The following AGBL4 variants were observed in gnomAD, a reference collection of about 807,000 sequenced individuals.
AGBL4 encodes AGBL carboxypeptidase 4.
A neutral mutation model predicts 66.4 loss-of-function variants in AGBL4; 58 were observed. The ratio of observed to expected loss-of-function variants is 0.87; its 90% CI spans 0.71 to 1.09. AGBL4 has a LOEUF of 1.09. AGBL4 is among the 50% of genes least tolerant of loss of function. The pLI, the probability that AGBL4 is intolerant of heterozygous loss-of-function variation, is 0.00. For missense variants in AGBL4, 579 were observed against 631.0 expected (o/e 0.92, Z 0.88); for synonymous variants, 234 against 222.9 (o/e 1.05, Z -0.44).
intron 6 of AGBL4, among the ~76,000 whole-genome samples, chr1:48,709,443 A>C (rs1646929229): frequency 6.6e-6 from 1 of 151,722 alleles, no homozygotes; most frequent in African/African-American, 2.4e-5. Context: ...ACATACACTA[A>C]TCTAAATAGT....
chr1:49,910,660 A>C (rs1393593122), intron 1 of AGBL4, among the ~76,000 whole-genome samples: 3 of 151,836 alleles, frequency 2.0e-5, no homozygotes, highest in Non-Finnish European at 4.4e-5. Flanking sequence ...TGAAGAATAA[A>C]AAAAAAAAGA....
At chr1:48,873,581 C>T (rs1442742231) in intron 5 of AGBL4, among the ~76,000 whole-genome samples, 1 of 152,072 alleles carries the variant, frequency 6.6e-6, no homozygotes, top group Admixed American at 6.6e-5. Flanking sequence ...CAGGGACTAG[C>T]CTAGCACCTG....
intron 4 of AGBL4, among the ~76,000 whole-genome samples, chr1:49,240,374 C>T (rs924276075): frequency 7.2e-5 from 11 of 152,054 alleles, no homozygotes; most frequent in Non-Finnish European, 1.6e-4. Flanking sequence ...ATCCACATGA[C>T]CTGGCTTGAA....
chr1:49,637,984 T>C (rs1000833878), intron 3 of AGBL4, among the ~76,000 whole-genome samples: 3 of 152,074 alleles, frequency 2.0e-5, no homozygotes, highest in African/African-American at 7.2e-5. Context: ...AGTAAAACAA[T>C]AGGATGAAAT....
intron 2 of AGBL4, among the ~76,000 whole-genome samples, chr1:49,715,931 G>T (rs1648093409): frequency 6.6e-6 from 1 of 152,048 alleles, no homozygotes; most frequent in East Asian, 1.9e-4. Flanking sequence ...AGTTGATTTT[G>T]CTGTGCAGAA....
chr1:48,671,719 A>G (rs1009200527), intron 6 of AGBL4, among the ~76,000 whole-genome samples: 7 of 152,362 alleles, frequency 4.6e-5, no homozygotes, highest in Middle Eastern at 3.4e-3. Flanking sequence ...CAGATGCAGA[A>G]AGTGAGGTCA....
At position 49,662,250 on chromosome 1, in the gene AGBL4, A is replaced by AAT. The variant is rs1192634897; in HGVS notation, c.282+35061_282+35062dup. ...ACACATACATACATTATATATGTGTAATATATATACATATATAAACTTACC... is the reference window on the plus strand; with the variant it reads ...ACACATACATACATTATATATGTGTAATATATATATACATATATAAACTTACC... On this transcript the variant is annotated intron_variant, in intron 3 of 13. Coordinates refer to ENST00000371839, the MANE Select transcript of AGBL4 (RefSeq NM_032785.4). Among the ~76,000 whole-genome samples, 20 of 151,184 alleles carry AAT rather than the reference A, an allele frequency of 1.3e-4. No individual in the cohort carries two copies. In the Admixed American group the frequency reaches 1.3e-3, roughly 10 times the overall value.
intron 9 of AGBL4, among the ~76,000 whole-genome samples, chr1:48,631,910 T>G (rs1158574543): frequency 1.3e-5 from 2 of 152,210 alleles, no homozygotes; most frequent in East Asian, 1.9e-4. Flanking sequence ...AGTCATACTT[T>G]GTGCTTTTGT....
intron 3 of AGBL4, among the ~76,000 whole-genome samples, chr1:49,510,797 C>T (rs1649160218): frequency 6.6e-6 from 1 of 151,014 alleles, no homozygotes; most frequent in South Asian, 2.1e-4. Context: ...CAGCTTTCTA[C>T]ATATGGCTAG....
rs183544870 is a variant in AGBL4 at position 49,018,317 on chromosome 1, C to T, written c.594+27267G>A. Among the ~76,000 whole-genome samples the T allele has an allele frequency of 2.9e-3, 442 of 152,136 alleles. 2 individuals carry two copies. Among genetic ancestry groups the T allele is most frequent in the African/African-American group, 0.01 (419 of 41,512 alleles). On this transcript the variant is annotated intron_variant, in intron 5 of 13. Transcript: ENST00000371839. ...TCCTTACATACCAGTGGAGGTGAGC[C>T]CCAAACCCTTACATACCAATGGAGT...
intron 1 of AGBL4, among the ~76,000 whole-genome samples, chr1:49,940,908 T>TA (rs1238292381): frequency 1.3e-5 from 2 of 151,724 alleles, no homozygotes; most frequent in African/African-American, 4.8e-5. Flanking sequence ...TTTGAGAAAA[T>TA]AAAATTATTA....
At chr1:49,342,178 CCT>C in intron 3 of AGBL4, among the ~76,000 whole-genome samples, 1 of 152,252 alleles carries the variant, frequency 6.6e-6, no homozygotes, top group South Asian at 2.1e-4. Flanking sequence ...GATGCCTCAG[CCT>C]CTCTCTGTGC....
intron 6 of AGBL4, among the ~76,000 whole-genome samples, chr1:48,682,774 C>T (rs572916633): frequency 6.6e-6 from 1 of 152,174 alleles, no homozygotes; most frequent in Non-Finnish European, 1.5e-5. Context: ...AATCTCCCTT[C>T]CCTGTTTAAT....
intron 4 of AGBL4, among the ~76,000 whole-genome samples, chr1:49,179,216 AGTAAGGAG>A (rs1646884470): frequency 1.3e-5 from 2 of 152,206 alleles, no homozygotes; most frequent in Non-Finnish European, 2.9e-5. Flanking sequence ...GCAAGTAACC[AGTAAGGAG>A]GCTATTGCAG....
At chr1:49,724,995 A>G (rs1378659798) in intron 2 of AGBL4, among the ~76,000 whole-genome samples, 1 of 151,992 alleles carries the variant, frequency 6.6e-6, no homozygotes, top group African/African-American at 2.4e-5. Flanking sequence ...AAATGAGGAA[A>G]GGAGAAAAAA....
In AGBL4 at chr1:48,736,115, G is replaced by A; in HGVS notation, c.635-72874C>T. ...TGGGTTATCCGCTTGGTGTCCCCGG[G>A]CTCAGCCCAGGGTCTGGCATGCAGA... On this transcript the variant is annotated intron_variant, in intron 6 of 13. Transcript: ENST00000371839. This position sits in a 1 kb window ranked among gnomAD's most constrained non-coding sequence, Gnocchi z 4.0. 6 of 1,113,554 alleles carry A rather than the reference G, an allele frequency of 5.4e-6. No individual in the cohort carries two copies. Among genetic ancestry groups the A allele is most frequent in the East Asian group, 2.4e-5 (1 of 42,248 alleles). The allele number at this position is 1,113,554 out of a possible 1,614,324, so 69.0% of individuals were successfully genotyped here.
intron 3 of AGBL4, among the ~76,000 whole-genome samples, chr1:49,638,660 C>A (rs558040819): frequency 6.6e-6 from 1 of 152,102 alleles, no homozygotes; most frequent in South Asian, 2.1e-4. Flanking sequence ...TCATAAAGGG[C>A]AGTTCCTTTG....
intron 6 of AGBL4, among the ~76,000 whole-genome samples, chr1:48,770,028 C>T (rs911471625): frequency 1.3e-5 from 2 of 152,050 alleles, no homozygotes; most frequent in Non-Finnish European, 2.9e-5. Flanking sequence ...GACCTGCTTG[C>T]CACCTTTAGT....
At chr1:49,202,279 AT>A (rs1647770764) in intron 4 of AGBL4, among the ~76,000 whole-genome samples, 3 of 152,232 alleles carry the variant, frequency 2.0e-5, no homozygotes, top group African/African-American at 7.2e-5. Context: ...CAATATATAT[AT>A]TTGCCCATAT....
Sources: gnomAD v4.1 joint callset for allele counts (sites outside exome capture counted in the v4.1 genomes callset) on GRCh38, gnomAD v4.1.1 for gene constraint, Gnocchi (gnomAD v3.1) non-coding constraint, MANE v1.5 for transcripts, NCBI Gene and HGNC (gene_info 2026-07-23, HGNC 2026-07-21) for gene names.